The following CDH17 variants were observed in gnomAD, a reference collection of about 807,000 sequenced individuals.
The protein encoded by CDH17 is cadherin 17.
Under a neutral mutation model 86.3 loss-of-function variants are expected in CDH17, and 67 were observed. The ratio of observed to expected loss-of-function variants is 0.78; its 90% CI spans 0.64 to 0.95. The LOEUF (loss-of-function observed/expected upper bound fraction) is 0.95. CDH17 is among the 40% of genes least tolerant of loss of function. The probability of loss-of-function intolerance (pLI) is 0.00; values close to 1 mark genes in which losing one functional copy is unlikely to be tolerated. For synonymous variants in CDH17, 367 were observed against 366.4 expected, an observed-to-expected ratio of 1.00 and a Z score of -0.02; for missense variants, 993 against 1,017.6, an observed-to-expected ratio of 0.98 and a Z score of 0.33.
chr8:94,166,910 A>G (rs1813168803), intron 9 of CDH17, among the ~76,000 whole-genome samples: 1 of 152,184 alleles, frequency 6.6e-6, no homozygotes. Context: ...GCTGCCCTGC[A>G]AGCACCTTGA....
intron 1 of CDH17, among the ~76,000 whole-genome samples, chr8:94,196,824 C>T (rs373095778): frequency 3.3e-5 from 5 of 152,162 alleles, no homozygotes; most frequent in African/African-American, 9.7e-5. Context: ...ATGTTCAACA[C>T]GGCGGCTCCA....
upstream of CDH17, among the ~76,000 whole-genome samples, chr8:94,211,793 A>C (rs901796825): frequency 6.6e-6 from 1 of 152,240 alleles, no homozygotes; most frequent in Non-Finnish European, 1.5e-5. Flanking sequence ...TAATTACTTA[A>C]TATCTGTCTT....
chr8:94,210,701 GC>G (rs1285621159), upstream of CDH17, among the ~76,000 whole-genome samples: 1 of 152,154 alleles, frequency 6.6e-6, no homozygotes, highest in Non-Finnish European at 1.5e-5. Context: ...ATTTTCCAAA[GC>G]AAAGGAGGTA....
chr8:94,160,276 T>C, intron 11 of CDH17, 114 bp from the exon 12 acceptor site: 1 of 735,524 alleles, frequency 1.4e-6, no homozygotes, highest in East Asian at 2.6e-5. Context: ...GCATCAATCT[T>C]CATGGGGCAT....
intron 14 of CDH17, among the ~76,000 whole-genome samples, chr8:94,147,928 G>A (rs551103493): frequency 6.6e-6 from 1 of 152,306 alleles, no homozygotes; most frequent in African/African-American, 2.4e-5. Flanking sequence ...AACTCCAGGG[G>A]TGGACTCCTA....
rs11781680 is a variant in CDH17, at chr8:94,206,686, G to A, written c.-21+1797C>T. On this transcript the variant is annotated intron_variant, in intron 1 of 17. Coordinates refer to ENST00000027335, the MANE Select transcript of CDH17 (RefSeq NM_004063.4). Reference sequence around the variant, plus strand: ...AGACAGGTTCTCACTCTGTCACCCAGGCTGGAATGCAGTGGCACAATCATG... The same window carrying A: ...AGACAGGTTCTCACTCTGTCACCCAAGCTGGAATGCAGTGGCACAATCATG... 4.4e-3 allele frequency among the ~76,000 whole-genome samples: 614 copies of A among 140,196 alleles called. 1 individual carries two copies. The highest frequency in any genetic ancestry group is 6.0e-3 in the Non-Finnish European group (403 of 67,024). 92.0% of individuals were successfully genotyped at this position (140,196 alleles called of 152,430 possible).
chr8:94,131,824 C>T (rs1812426381), intron 15 of CDH17, among the ~76,000 whole-genome samples: 1 of 152,094 alleles, frequency 6.6e-6, no homozygotes, highest in Non-Finnish European at 1.5e-5. Flanking sequence ...GCTATCCTCC[C>T]CCAGACCCCC....
chr8:94,138,725 C>T (rs1812580508), intron 15 of CDH17, among the ~76,000 whole-genome samples: 1 of 152,116 alleles, frequency 6.6e-6, no homozygotes, highest in Non-Finnish European at 1.5e-5. Flanking sequence ...CATTCCTGGT[C>T]CCTAGAGCTA....
chr8:94,167,156 C>T (rs1051193220), intron 9 of CDH17, among the ~76,000 whole-genome samples: 1 of 152,138 alleles, frequency 6.6e-6, no homozygotes, highest in Admixed American at 6.5e-5. Flanking sequence ...ATCCTCTCCA[C>T]CTTGCTGTAG....
intron 2 of CDH17, among the ~76,000 whole-genome samples, chr8:94,193,800 T>C (rs1813730542): frequency 6.6e-6 from 1 of 152,182 alleles, no homozygotes; most frequent in African/African-American, 2.4e-5. Context: ...CTGATAGTTT[T>C]CAAGTTTCAT....
intron 12 of CDH17, among the ~76,000 whole-genome samples, chr8:94,155,629 A>G (rs1002928116): frequency 8.5e-5 from 13 of 152,208 alleles, no homozygotes; most frequent in Non-Finnish European, 1.8e-4. Flanking sequence ...CTGTATTACC[A>G]GAAGAGAACG....
intron 7 of CDH17, among the ~76,000 whole-genome samples, chr8:94,171,909 G>T (rs1358899776): frequency 6.6e-6 from 1 of 151,734 alleles, no homozygotes; most frequent in East Asian, 1.9e-4. Context: ...CTACCTTCTT[G>T]GTTCTAAAGT....
Position 94,146,088 on chromosome 8 carries a change from C to T in CDH17, c.2007G>A (p.Lys669=), listed in dbSNP as rs913610229. 2.5e-6 allele frequency: 4 copies of T among 1,613,098 alleles called. No homozygotes were observed. The African/African-American group carries it at 4.0e-5, about 16-fold the overall frequency. The change falls in exon 15 of 18, where the codon AAG becomes AAA. Residue 669 remains lysine, a synonymous_variant. Transcript: ENST00000027335. ...DVNDNPPRLA[K]DYTGLFFCHP... is the part of the protein sequence containing the mutation. ...GGCAGAAGAACAAGCCCGTGTAGTCCTTGGCTAGCCTGGGAGGGTTGTCAT... is the reference window on the plus strand; with the variant it reads ...GGCAGAAGAACAAGCCCGTGTAGTCTTTGGCTAGCCTGGGAGGGTTGTCAT...
At chr8:94,152,458 A>T (rs921130979) in intron 12 of CDH17, among the ~76,000 whole-genome samples, 4 of 152,280 alleles carry the variant, frequency 2.6e-5, no homozygotes, top group Non-Finnish European at 5.9e-5. Flanking sequence ...CAGTGGCGCA[A>T]TCTTGGCTCA....
intron 15 of CDH17, among the ~76,000 whole-genome samples, chr8:94,144,419 G>A (rs1409951671): frequency 6.6e-6 from 1 of 152,066 alleles, no homozygotes; most frequent in Non-Finnish European, 1.5e-5. Flanking sequence ...TTGGAAAAAT[G>A]GCACCAAGAG....
At chr8:94,200,619 C>A (rs1738593180) in intron 1 of CDH17, among the ~76,000 whole-genome samples, 2 of 145,580 alleles carry the variant, frequency 1.4e-5, no homozygotes, top group South Asian at 4.4e-4. Context: ...ACTGTGGCTG[C>A]CCCTCACCCA....
intron 1 of CDH17, among the ~76,000 whole-genome samples, chr8:94,215,091 C>CA (rs1814174173): frequency 1.3e-5 from 2 of 152,104 alleles, no homozygotes; most frequent in Admixed American, 6.5e-5. Flanking sequence ...GGAGTTTTAA[C>CA]AAAAACTTAA....
At chr8:94,156,064 G>T (rs890672220) in intron 12 of CDH17, among the ~76,000 whole-genome samples, 5 of 152,150 alleles carry the variant, frequency 3.3e-5, no homozygotes, top group Non-Finnish European at 7.4e-5. Flanking sequence ...CAAGAGACCC[G>T]TCACTGCCTC....
At chr8:94,158,362 A>G (rs1812984414) in intron 12 of CDH17, among the ~76,000 whole-genome samples, 1 of 152,154 alleles carries the variant, frequency 6.6e-6, no homozygotes, top group African/African-American at 2.4e-5. Context: ...TCTCACCCAC[A>G]GCTAATCATT....
Sources: allele counts gnomAD v4.1 joint callset (sites outside exome capture counted in the v4.1 genomes callset), GRCh38; gene constraint gnomAD v4.1.1; transcripts MANE v1.5; gene names NCBI Gene and HGNC (gene_info 2026-07-23, HGNC 2026-07-21).